SKIL: variants seen among roughly 807,000 people sequenced by gnomAD.
SKIL encodes ski-like protein.
A neutral mutation model predicts 69.6 loss-of-function variants in SKIL; 20 were observed. The observed-to-expected ratio is 0.29, with a 90% confidence interval of 0.20 to 0.42. The LOEUF is 0.42. SKIL is among the 10% of genes least tolerant of loss of function. The pLI, the probability that SKIL is intolerant of heterozygous loss-of-function variation, is 1.00. For synonymous variants in SKIL, 310 were observed against 279.9 expected (o/e 1.11, Z -1.08); for missense variants, 745 against 783.1 (o/e 0.95, Z 0.58).
chr3:170,369,515 C>CCT (rs1189333507), intron 2 of SKIL, among the ~76,000 whole-genome samples: 1 of 152,118 alleles, frequency 6.6e-6, no homozygotes, highest in Non-Finnish European at 1.5e-5. Context: ...GATTCTCATG[C>CCT]CTCAGCCTCC....
At chr3:170,386,179 A>G (rs1737621638) in intron 4 of SKIL, among the ~76,000 whole-genome samples, 1 of 151,126 alleles carries the variant, frequency 6.6e-6, no homozygotes, top group Non-Finnish European at 1.5e-5. Context: ...TGCCCAGGCT[A>G]GAGTGCAACG....
At chr3:170,387,560 A>G (rs1447283747) in intron 4 of SKIL, among the ~76,000 whole-genome samples, 3 of 152,094 alleles carry the variant, frequency 2.0e-5, no homozygotes, top group Non-Finnish European at 4.4e-5. Flanking sequence ...TTATGTGAAT[A>G]TACCACATTT....
chr3:170,381,419 A>T lies in SKIL; in HGVS notation c.1196+78A>T, dbSNP rs900813323. ...TATATGCCATGCACTATTCTAGGAC[A>T]TGGGAATTTAATTATTTATTTATTT... On this transcript the variant is annotated intron_variant, in intron 3 of 6. Transcript: ENST00000259119. 4 of 755,252 alleles carry T rather than the reference A, an allele frequency of 5.3e-6. No homozygotes were observed. In the East Asian group the frequency reaches 1.0e-4, roughly 19 times the overall value. 46.8% of individuals were successfully genotyped at this position (755,252 alleles called of 1,614,324 possible).
At chr3:170,382,819 A>T (rs1008885854) in intron 3 of SKIL, among the ~76,000 whole-genome samples, 2 of 151,294 alleles carry the variant, frequency 1.3e-5, no homozygotes, top group Admixed American at 1.3e-4. Context: ...CCCGGGTTCA[A>T]GCATTTCTCC....
rs905340407 is a variant in SKIL, at chr3:170,393,406, G to T, written c.*989G>T. On this transcript the variant is annotated 3_prime_UTR_variant, in exon 7 of 7. Transcript: ENST00000259119. ...AATGTTGTCTTACCAAAATTTGCAC[G>T]AATGGACCATTTTCATTTACTACTT... 6.6e-6 allele frequency: 1 copy of T among 152,086 alleles called. No homozygotes were observed. Among genetic ancestry groups the T allele is most frequent in the Non-Finnish European group, 1.5e-5 (1 of 67,986 alleles). 9.4% of individuals were successfully genotyped at this position (152,086 alleles called of 1,614,324 possible).
At chr3:170,388,014 G>GT (rs1049932483) in intron 4 of SKIL, among the ~76,000 whole-genome samples, 11 of 148,276 alleles carry the variant, frequency 7.4e-5, no homozygotes, top group South Asian at 2.1e-4. Flanking sequence ...TATATTTTCA[G>GT]TTTTTTTTTG....
chr3:170,374,093 A>G (rs1736914753), intron 2 of SKIL, among the ~76,000 whole-genome samples: 1 of 152,212 alleles, frequency 6.6e-6, no homozygotes, highest in South Asian at 2.1e-4. Context: ...TTCATTAGGA[A>G]ATCTGATTAT....
intron 3 of SKIL, among the ~76,000 whole-genome samples, chr3:170,381,581 C>T (rs1227651917): frequency 6.6e-6 from 1 of 151,752 alleles, no homozygotes; most frequent in Non-Finnish European, 1.5e-5. Flanking sequence ...TACAGGCTCA[C>T]ACCACCACGC....
chr3:170,372,866 G>A (rs927129911), intron 2 of SKIL, among the ~76,000 whole-genome samples: 8 of 152,194 alleles, frequency 5.3e-5, no homozygotes, highest in Middle Eastern at 3.4e-3. Context: ...TAGGCCATTA[G>A]GGAGATAGAC....
At chr3:170,369,926 T>C (rs1736716113) in intron 2 of SKIL, among the ~76,000 whole-genome samples, 1 of 152,110 alleles carries the variant, frequency 6.6e-6, no homozygotes, top group African/African-American at 2.4e-5. Context: ...ATATAAACAA[T>C]GCATCTTGTT....
chr3:170,378,553 C>CTTTTTTTTTTT lies in SKIL; in HGVS notation c.1099-2686_1099-2676dup, dbSNP rs373084445. ...TGGGAATTGGACTCTCTCTCTCTCT[C>CTTTTTTTTTTT]TTTTTTTTTTTTTTTGGAGACAAAG... is the stretch of plus-strand genomic sequence containing the variant. On this transcript the variant is annotated intron_variant, in intron 2 of 6. Transcript: ENST00000259119. Among the ~76,000 whole-genome samples, 13 of 118,998 alleles carry CTTTTTTTTTTT rather than the reference C, an allele frequency of 1.1e-4. 1 individual carries two copies. Among genetic ancestry groups the CTTTTTTTTTTT allele is most frequent in the Admixed American group, 2.0e-4 (2 of 9,904 alleles). 78.1% of individuals were successfully genotyped at this position (118,998 alleles called of 152,430 possible).
chr3:170,373,150 C>A (rs1577422434), intron 2 of SKIL, among the ~76,000 whole-genome samples: 1 of 151,522 alleles, frequency 6.6e-6, no homozygotes. Flanking sequence ...GCGTGCACCA[C>A]CAGGCCCGGC....
intron 2 of SKIL, among the ~76,000 whole-genome samples, chr3:170,369,800 A>G (rs901048572): frequency 5.9e-5 from 9 of 152,210 alleles, no homozygotes; most frequent in African/African-American, 2.2e-4. Flanking sequence ...AACTTGTTTG[A>G]GAATAGCTTT....
Position 170,361,118 on chromosome 3 carries a change from G to C in SKIL, c.787G>C (p.Glu263Gln). The C allele has an allele frequency of 2.5e-6, 4 of 1,614,254 alleles. No individual in the cohort carries two copies. The highest frequency in any genetic ancestry group is 3.4e-6 in the Non-Finnish European group (4 of 1,180,046). ...GTTAAAGGAAACTGGCAGTGCCTTT[G>C]AAGTGGAGCATGAATGCCTAGGCAA... is the stretch of plus-strand genomic sequence containing the variant. ...AQLKETGSAF[E>Q]VEHECLGKCQ... Residue 263 changes from glutamate (E) to glutamine (Q), a missense_variant, in exon 2 of 7, where the codon GAA becomes CAA. By Grantham distance (29) the Glu-to-Gln change is conservative. Transcript: ENST00000259119.
In SKIL at chr3:170,396,105, A is replaced by G. The variant is rs1040045678; in HGVS notation, c.*3688A>G. 2.7e-5 allele frequency: 4 copies of G among 150,664 alleles called. No individual in the cohort carries two copies. In the East Asian group the frequency reaches 7.8e-4, roughly 29 times the overall value. The allele number at this position is 150,664 out of a possible 1,614,324, so 9.3% of individuals were successfully genotyped here. On this transcript the variant is annotated 3_prime_UTR_variant, in exon 7 of 7. Coordinates refer to ENST00000259119, the MANE Select transcript of SKIL (RefSeq NM_005414.5). ...ATTTAGTAATAGAATTAAATGTCCT[A>G]TGTAGTGCTACAATTTTTGAATTAG...
At position 170,393,892 on chromosome 3, in the gene SKIL, T is replaced by TA. The variant is rs1272375668; in HGVS notation, c.*1476dup. On this transcript the variant is annotated 3_prime_UTR_variant, in exon 7 of 7. Coordinates refer to ENST00000259119, the MANE Select transcript of SKIL (RefSeq NM_005414.5). The stretch of plus-strand genomic sequence containing the variant: ...AATCTAATGGTGTAGAAAGAATCAC[T>TA]AGGTTGTCATTTAACCAGTTATTTT... The TA allele has an allele frequency of 1.3e-5, 2 of 152,110 alleles. No homozygotes were observed. Among genetic ancestry groups the TA allele is most frequent in the African/African-American group, 2.4e-5 (1 of 41,442 alleles). The allele number at this position is 152,110 out of a possible 1,614,324, so 9.4% of individuals were successfully genotyped here.
intron 2 of SKIL, among the ~76,000 whole-genome samples, chr3:170,372,987 A>ATTT: frequency 1.2e-5 from 1 of 81,108 alleles, no homozygotes. Flanking sequence ...AATAATTTTC[A>ATTT]ATTTTTTTTT....
At chr3:170,371,708 G>A (rs1458625620) in intron 2 of SKIL, among the ~76,000 whole-genome samples, 1 of 152,112 alleles carries the variant, frequency 6.6e-6, no homozygotes, top group Non-Finnish European at 1.5e-5. Flanking sequence ...CCCAGTGATC[G>A]TACTGGTACC....
At chr3:170,374,908 A>G (rs1736958974) in intron 2 of SKIL, among the ~76,000 whole-genome samples, 1 of 152,230 alleles carries the variant, frequency 6.6e-6, no homozygotes, top group African/African-American at 2.4e-5. Context: ...GTAGAGGGAT[A>G]TCAAACGTGA....
Sources: gnomAD v4.1 joint callset for allele counts (sites outside exome capture counted in the v4.1 genomes callset) on GRCh38, gnomAD v4.1.1 for gene constraint, MANE v1.5 for transcripts, NCBI Gene and HGNC (gene_info 2026-07-23, HGNC 2026-07-21) for gene names.